TSPEAR: variants seen among roughly 807,000 people sequenced by gnomAD.
The protein encoded by TSPEAR is thrombospondin type laminin G domain and EAR repeats, also known as thrombospondin-type laminin G domain and EAR repeat-containing protein.
A neutral mutation model predicts 71.6 loss-of-function variants in TSPEAR; 69 were observed. That is an observed-to-expected ratio of 0.96 (90% CI 0.79 to 1.18). TSPEAR has a LOEUF of 1.18. Among genes scored for constraint, TSPEAR ranks in the 50% most tolerant of loss-of-function variants. The pLI, the probability that TSPEAR is intolerant of heterozygous loss-of-function variation, is 0.00. For missense variants in TSPEAR, 971 were observed against 894.9 expected (o/e 1.09, Z -1.09); for synonymous variants, 402 against 387.2 (o/e 1.04, Z -0.45).
intron 9 of TSPEAR, chr21:44,518,631 G>A: frequency 1.7e-5 from 8 of 470,834 alleles, no homozygotes; most frequent in Non-Finnish European, 2.6e-5. Context: ...CATCCAGGGT[G>A]CGCGACTCTG....
chr21:44,694,855 C>G (rs1987264937), intron 1 of TSPEAR, among the ~76,000 whole-genome samples: 1 of 152,178 alleles, frequency 6.6e-6, no homozygotes, highest in Admixed American at 6.5e-5. Context: ...CAGAGCTTCC[C>G]GTGAGCCGGT....
At chr21:44,677,676 G>A in intron 1 of TSPEAR, 3 of 1,407,106 alleles carry the variant, frequency 2.1e-6, no homozygotes, top group South Asian at 2.3e-5. Context: ...GGTTGCTGAA[G>A]CTGGAGTATC....
At chr21:44,531,955 G>A (rs1555915818) in intron 3 of TSPEAR, among the ~76,000 whole-genome samples, 1 of 152,256 alleles carries the variant, frequency 6.6e-6, no homozygotes, top group Non-Finnish European at 1.5e-5. Context: ...ACTGTCTCTT[G>A]TAAAACACCT....
intron 1 of TSPEAR, among the ~76,000 whole-genome samples, chr21:44,634,236 G>A (rs1983414237): frequency 6.6e-6 from 1 of 152,110 alleles, no homozygotes; most frequent in Non-Finnish European, 1.5e-5. Flanking sequence ...GCAACAGGCT[G>A]AGCAATACCC....
At chr21:44,657,785 T>C in intron 1 of TSPEAR, 1 of 609,886 alleles carries the variant, frequency 1.6e-6, no homozygotes, top group Middle Eastern at 3.9e-4. Context: ...AAGCTATTTA[T>C]GGTGGAGCAT....
chr21:44,609,299 A>G (rs1981511188), intron 1 of TSPEAR, among the ~76,000 whole-genome samples: 2 of 152,258 alleles, frequency 1.3e-5, no homozygotes, highest in African/African-American at 4.8e-5. Context: ...ATATCCAGCT[A>G]AGCTATCAAT....
At chr21:44,586,951 T>A (rs1263722053) in intron 1 of TSPEAR, among the ~76,000 whole-genome samples, 3 of 152,288 alleles carry the variant, frequency 2.0e-5, no homozygotes, top group African/African-American at 7.2e-5. Flanking sequence ...GGGGAGAAGT[T>A]GAAAGCACTC....
rs587736322 is a variant in TSPEAR at position 44,573,752 on chromosome 21, A to G, written c.83-5747T>C. ...CCAGCTCAACCCCCAGCACAGCAGC[A>G]TCCACCATGTCCGTCTGCTCCAGCG... On this transcript the variant is annotated intron_variant, in intron 1 of 11. Coordinates refer to ENST00000323084, the MANE Select transcript of TSPEAR (RefSeq NM_144991.3). 110 of 1,538,500 alleles carry G rather than the reference A, an allele frequency of 7.1e-5. 1 individual carries two copies. Among genetic ancestry groups the G allele is most frequent in the African/African-American group, 6.8e-4 (48 of 70,798 alleles).
intron 1 of TSPEAR, chr21:44,702,205 A>G: frequency 6.4e-7 from 1 of 1,567,256 alleles, no homozygotes; most frequent in Non-Finnish European, 8.6e-7. Flanking sequence ...CTCCAGAGGA[A>G]CAAAGGGGCC....
chr21:44,644,564 T>C (rs1379242748), intron 1 of TSPEAR, among the ~76,000 whole-genome samples: 3 of 152,160 alleles, frequency 2.0e-5, no homozygotes, highest in Non-Finnish European at 4.4e-5. Context: ...AGGGAGTAAA[T>C]TGGAGCAGGA....
intron 1 of TSPEAR, among the ~76,000 whole-genome samples, chr21:44,644,122 CAG>C (rs1375605648): frequency 7.9e-5 from 12 of 152,236 alleles, no homozygotes; most frequent in African/African-American, 2.9e-4. Flanking sequence ...CTCAGATCCC[CAG>C]AGTGTCTGCT....
intron 1 of TSPEAR, among the ~76,000 whole-genome samples, chr21:44,653,118 G>A (rs587742953): frequency 3.3e-5 from 5 of 152,156 alleles, no homozygotes; most frequent in East Asian, 3.9e-4. Flanking sequence ...AGATCACGCC[G>A]CTGCACTCCA....
intron 1 of TSPEAR, among the ~76,000 whole-genome samples, chr21:44,605,861 T>C (rs587683508): frequency 1.4e-4 from 21 of 152,248 alleles, no homozygotes; most frequent in East Asian, 7.7e-4. Context: ...GAAGAAAGCA[T>C]AGTGGAAAAT....
chr21:44,578,278 C>T (rs1025636665), intron 1 of TSPEAR, among the ~76,000 whole-genome samples: 2 of 152,124 alleles, frequency 1.3e-5, no homozygotes, highest in Non-Finnish European at 2.9e-5. Context: ...TCAATACATT[C>T]AACAGCTTAG....
intron 1 of TSPEAR, among the ~76,000 whole-genome samples, chr21:44,706,132 C>G (rs1402793762): frequency 3.3e-5 from 5 of 152,224 alleles, no homozygotes; most frequent in African/African-American, 1.2e-4. Flanking sequence ...GCACAGGTCC[C>G]CCCAGACCCT....
intron 1 of TSPEAR, among the ~76,000 whole-genome samples, chr21:44,624,240 TTC>T (rs1982629481): frequency 6.6e-6 from 1 of 152,282 alleles, no homozygotes; most frequent in African/African-American, 2.4e-5. Context: ...TTTCCAGAAT[TTC>T]TGTTTGATTC....
At chr21:44,590,153 G>T (rs975263054) in intron 1 of TSPEAR, among the ~76,000 whole-genome samples, 1 of 152,262 alleles carries the variant, frequency 6.6e-6, no homozygotes, top group Non-Finnish European at 1.5e-5. Context: ...TCCTGCTGGT[G>T]CTGGTCGCCT....
intron 9 of TSPEAR, chr21:44,519,282 TG>T (rs1328771888): frequency 6.6e-6 from 1 of 152,562 alleles, no homozygotes; most frequent in Admixed American, 6.5e-5. Flanking sequence ...CCGCCTGCCT[TG>T]GCTTCCCAAA....
intron 1 of TSPEAR, chr21:44,654,765 G>T: frequency 1.7e-6 from 1 of 598,722 alleles, no homozygotes; most frequent in Non-Finnish European, 3.0e-6. Flanking sequence ...TGCCCTGTCT[G>T]GTTGATCTTT....
Sources: allele counts gnomAD v4.1 joint callset (sites outside exome capture counted in the v4.1 genomes callset), GRCh38; gene constraint gnomAD v4.1.1; transcripts MANE v1.5; gene names NCBI Gene and HGNC (gene_info 2026-07-23, HGNC 2026-07-21).